DPYD: variants seen among roughly 807,000 people sequenced by gnomAD.
DPYD encodes dihydropyrimidine dehydrogenase.
Under a neutral mutation model 116.2 loss-of-function variants are expected in DPYD, and 109 were observed. The ratio of observed to expected loss-of-function variants is 0.94; its 90% CI spans 0.80 to 1.10. The LOEUF (loss-of-function observed/expected upper bound fraction) is 1.10, where lower values mean the gene tolerates loss of function less well. Ranked by LOEUF, DPYD falls within the 50% of genes least tolerant of loss-of-function variation. The probability of loss-of-function intolerance (pLI) is 0.00; values close to 1 mark genes in which losing one functional copy is unlikely to be tolerated. For missense variants in DPYD, 1,302 were observed against 1,254.5 expected (o/e 1.04, Z -0.57); for synonymous variants, 440 against 432.0 (o/e 1.02, Z -0.23).
chr1:97,338,143 C>G (rs1416584668), intron 16 of DPYD, among the ~76,000 whole-genome samples: 1 of 152,098 alleles, frequency 6.6e-6, no homozygotes, highest in Non-Finnish European at 1.5e-5. Flanking sequence ...GCCACTTTAA[C>G]CCCACAGCTA....
chr1:97,286,939 C>T lies in DPYD; in HGVS notation c.2299+18320G>A, dbSNP rs147614717. 9.8e-5 allele frequency among the ~76,000 whole-genome samples: 15 copies of T among 152,332 alleles called. No homozygotes were observed. In the East Asian group the frequency reaches 1.7e-3, roughly 18 times the overall value. Reference sequence around the variant, plus strand: ...TCAACTCGTCAAAGTCATTCTCTGCCCAGCTTTGTTACGTTGCTGGTGAGG... The same window carrying T: ...TCAACTCGTCAAAGTCATTCTCTGCTCAGCTTTGTTACGTTGCTGGTGAGG... On this transcript the variant is annotated intron_variant, in intron 18 of 22. Transcript: ENST00000370192.
At chr1:97,908,995 T>A (rs1558047078) in intron 1 of DPYD, among the ~76,000 whole-genome samples, 1 of 152,144 alleles carries the variant, frequency 6.6e-6, no homozygotes. Flanking sequence ...TGGAGAACAA[T>A]CCACTATTAT....
intron 12 of DPYD, among the ~76,000 whole-genome samples, chr1:97,543,213 TG>T: frequency 6.6e-6 from 1 of 152,300 alleles, no homozygotes; most frequent in South Asian, 2.1e-4. Context: ...TGGAAAGTGT[TG>T]GAACTGGATC....
rs1337227347 is a variant in DPYD, at chr1:97,554,615, A to G, written c.1340-4871T>C. On this transcript the variant is annotated intron_variant, in intron 11 of 22. Coordinates refer to ENST00000370192, the MANE Select transcript of DPYD (RefSeq NM_000110.4). ...CTGAAAGCAAAATCTCAGCAAGATC[A>G]AAATAAATTCTAATTACAAGGCCAG... Among the ~76,000 whole-genome samples, 4 of 152,164 alleles carry G rather than the reference A, an allele frequency of 2.6e-5. No homozygotes were observed. The East Asian group carries it at 7.7e-4, about 29-fold the overall frequency.
chr1:97,262,804 TG>T (rs1663975965), intron 18 of DPYD, among the ~76,000 whole-genome samples: 5 of 152,098 alleles, frequency 3.3e-5, no homozygotes, highest in Admixed American at 3.3e-4. Context: ...GGATCCATGC[TG>T]GGAGAGAAAA....
chr1:97,170,235 T>C lies in DPYD; in HGVS notation c.2622+22834A>G, dbSNP rs191797184. Among the ~76,000 whole-genome samples, 13 of 152,266 alleles carry C rather than the reference T, an allele frequency of 8.5e-5. No homozygotes were observed. The East Asian group carries it at 2.5e-3, about 29-fold the overall frequency. On this transcript the variant is annotated intron_variant, in intron 20 of 22. Transcript: ENST00000370192. ...GTATGAATGGAAACTTCACCTGCAG[T>C]TGTGATGAGGACACTCTAAGGTCCT...
At chr1:97,604,996 A>G (rs1423080019) in intron 8 of DPYD, among the ~76,000 whole-genome samples, 1 of 152,084 alleles carries the variant, frequency 6.6e-6, no homozygotes, top group Non-Finnish European at 1.5e-5. Context: ...AAAATAATTA[A>G]AGAATCACAT....
rs945324554 is a variant in DPYD at position 97,443,246 on chromosome 1, G to C, written c.1905+6813C>G. ...CTATTATGATATATTCTCTTTTTTTGTAAATTAGAAGAATATTTTTAAATG... is the reference window on the plus strand; with the variant it reads ...CTATTATGATATATTCTCTTTTTTTCTAAATTAGAAGAATATTTTTAAATG... On this transcript the variant is annotated intron_variant, in intron 14 of 22. Coordinates refer to ENST00000370192, the MANE Select transcript of DPYD (RefSeq NM_000110.4). 2.6e-5 allele frequency among the ~76,000 whole-genome samples: 4 copies of C among 151,666 alleles called. No individual in the cohort carries two copies. In the South Asian group the frequency reaches 6.2e-4, roughly 24 times the overall value.
At chr1:97,347,290 C>A (rs1051233779) in intron 16 of DPYD, among the ~76,000 whole-genome samples, 2 of 151,754 alleles carry the variant, frequency 1.3e-5, no homozygotes, top group African/African-American at 4.8e-5. Context: ...TAAGGAAGTT[C>A]CTTCCTATTC....
At chr1:97,133,504 A>C (rs1217990156) in intron 20 of DPYD, among the ~76,000 whole-genome samples, 1 of 151,904 alleles carries the variant, frequency 6.6e-6, no homozygotes, top group East Asian at 1.9e-4. Context: ...TTCTACATGT[A>C]CTTTGGTTTG....
At chr1:97,517,073 C>T (rs1481397599) in intron 12 of DPYD, among the ~76,000 whole-genome samples, 1 of 151,994 alleles carries the variant, frequency 6.6e-6, no homozygotes, top group East Asian at 1.9e-4. Context: ...TTCTGGCCCT[C>T]CACCACTTAC....
chr1:97,767,695 A>C (rs551612117), intron 3 of DPYD, among the ~76,000 whole-genome samples: 1 of 151,902 alleles, frequency 6.6e-6, no homozygotes, highest in Non-Finnish European at 1.5e-5. Flanking sequence ...GACAGGATGC[A>C]TAAGTATACT....
At chr1:97,238,121 A>G (rs1335249224) in intron 18 of DPYD, among the ~76,000 whole-genome samples, 1 of 152,216 alleles carries the variant, frequency 6.6e-6, no homozygotes, top group African/African-American at 2.4e-5. Context: ...AATTAGGTCA[A>G]TAAGACATTT....
chr1:97,554,341 A>G (rs1346588854), intron 11 of DPYD, among the ~76,000 whole-genome samples: 1 of 152,172 alleles, frequency 6.6e-6, no homozygotes, highest in Non-Finnish European at 1.5e-5. Context: ...AATTCTCCAT[A>G]AACAATAAAA....
At chr1:97,387,127 G>A (rs1176980840) in intron 14 of DPYD, among the ~76,000 whole-genome samples, 1 of 151,844 alleles carries the variant, frequency 6.6e-6, no homozygotes, top group Admixed American at 6.6e-5. Context: ...CAATTTTTAT[G>A]GCTCATATTT....
intron 19 of DPYD, among the ~76,000 whole-genome samples, chr1:97,197,840 ATACT>A (rs1251762198): frequency 6.6e-6 from 1 of 152,166 alleles, no homozygotes. Context: ...AGACTACAAG[ATACT>A]TACTGAGCAA....
chr1:97,871,827 G>C (rs1671674122), intron 2 of DPYD, among the ~76,000 whole-genome samples: 1 of 151,644 alleles, frequency 6.6e-6, no homozygotes, highest in Non-Finnish European at 1.5e-5. Flanking sequence ...CCACTATCAT[G>C]ATGTGCTTCC....
intron 13 of DPYD, among the ~76,000 whole-genome samples, chr1:97,512,132 G>A (rs75258541): frequency 1.3e-5 from 2 of 151,736 alleles, no homozygotes; most frequent in Non-Finnish European, 2.9e-5. Context: ...TTTATCCAGC[G>A]AATATTTATG....
chr1:97,550,109 T>G (rs2102087152), intron 11 of DPYD, among the ~76,000 whole-genome samples: 1 of 152,290 alleles, frequency 6.6e-6, no homozygotes, highest in South Asian at 2.1e-4. Flanking sequence ...TACAAATCTG[T>G]TACTACTTAT....
Sources: allele counts gnomAD v4.1 joint callset (sites outside exome capture counted in the v4.1 genomes callset), GRCh38; gene constraint gnomAD v4.1.1; transcripts MANE v1.5; gene names NCBI Gene and HGNC (gene_info 2026-07-23, HGNC 2026-07-21).